The following WWOX variants were observed in gnomAD, a reference collection of about 807,000 sequenced individuals.
The protein encoded by WWOX is WW domain-containing oxidoreductase.
WWOX carries 69 observed loss-of-function variants against 46.2 expected under a neutral mutation model. The observed-to-expected ratio is 1.49, with a 90% CI of 1.23 to 1.82. The LOEUF (loss-of-function observed/expected upper bound fraction) is 1.82. Among genes scored for constraint, WWOX ranks in the 40% most tolerant of loss-of-function variants. The pLI is 0.00. For missense variants in WWOX, 919 were observed against 542.6 expected (o/e 1.69, Z -6.89); for synonymous variants, 359 against 202.6 (o/e 1.77, Z -6.56).
intron 8 of WWOX, among the ~76,000 whole-genome samples, chr16:78,607,832 G>C (rs1013038357): frequency 2.0e-5 from 3 of 151,976 alleles, no homozygotes; most frequent in African/African-American, 2.4e-5. Context: ...AAAAGGGCTG[G>C]ATTTTCTATC....
At chr16:78,725,386 T>C (rs1331070200) in intron 8 of WWOX, among the ~76,000 whole-genome samples, 1 of 145,830 alleles carries the variant, frequency 6.9e-6, no homozygotes, top group Non-Finnish European at 1.5e-5. Flanking sequence ...TCACTCTTGT[T>C]GCCTAGGCTG....
At chr16:79,169,365 C>T (rs1017041541) in intron 8 of WWOX, among the ~76,000 whole-genome samples, 6 of 152,182 alleles carry the variant, frequency 3.9e-5, no homozygotes, top group East Asian at 1.9e-4. Flanking sequence ...ACAACAACTG[C>T]GTGGCTGCCT....
At chr16:79,009,123 G>T (rs560010699) in intron 8 of WWOX, among the ~76,000 whole-genome samples, 4 of 152,242 alleles carry the variant, frequency 2.6e-5, no homozygotes, top group Non-Finnish European at 4.4e-5. Flanking sequence ...TGCCCTTCCA[G>T]GCTTAATGGA....
intron 8 of WWOX, among the ~76,000 whole-genome samples, chr16:78,444,632 G>A (rs1390323551): frequency 1.3e-5 from 2 of 151,220 alleles, no homozygotes; most frequent in African/African-American, 2.4e-5. Flanking sequence ...CCGGGTTCAA[G>A]CAATTCTCCT....
chr16:78,951,947 T>C lies in WWOX; in HGVS notation c.1057-259661T>C, dbSNP rs11646251. On this transcript the variant is annotated intron_variant, in intron 8 of 8. Coordinates refer to ENST00000566780, the MANE Select transcript of WWOX (RefSeq NM_016373.4). ...TTCCTTCCATAATATTTTTAAACTG[T>C]AGCAAAGTGATCTTTTTGAGACCCA... Among the ~76,000 whole-genome samples, 248 of 152,312 alleles carry C rather than the reference T, an allele frequency of 1.6e-3. 1 individual carries two copies. Among genetic ancestry groups the C allele is most frequent in the Middle Eastern group, 6.8e-3 (2 of 294 alleles).
chr16:78,815,255 A>G (rs1391754002), intron 8 of WWOX, among the ~76,000 whole-genome samples: 2 of 151,474 alleles, frequency 1.3e-5, no homozygotes, highest in African/African-American at 2.4e-5. Context: ...AGCCTCGGAG[A>G]TGGAGGTTGC....
chr16:78,351,087 G>A (rs2081174676), intron 5 of WWOX, among the ~76,000 whole-genome samples: 1 of 152,192 alleles, frequency 6.6e-6, no homozygotes, highest in African/African-American at 2.4e-5. Context: ...TTGGATGGAT[G>A]ATTTTTTTCA....
chr16:78,634,069 C>G (rs1216591797), intron 8 of WWOX, among the ~76,000 whole-genome samples: 1 of 152,148 alleles, frequency 6.6e-6, no homozygotes, highest in Non-Finnish European at 1.5e-5. Context: ...AGTGAGCACT[C>G]TTGAACCCAG....
intron 8 of WWOX, among the ~76,000 whole-genome samples, chr16:78,933,397 C>T (rs1223439938): frequency 1.3e-5 from 2 of 152,334 alleles, no homozygotes; most frequent in African/African-American, 4.8e-5. Flanking sequence ...CAAGATTGTG[C>T]CACTGTACTC....
chr16:78,285,311 C>T (rs1418652425), intron 5 of WWOX, among the ~76,000 whole-genome samples: 1 of 151,992 alleles, frequency 6.6e-6, no homozygotes, highest in Non-Finnish European at 1.5e-5. Context: ...GGGTGGCACC[C>T]ACCTGTAGTC....
At chr16:78,607,224 T>C (rs2045780730) in intron 8 of WWOX, among the ~76,000 whole-genome samples, 1 of 152,130 alleles carries the variant, frequency 6.6e-6, no homozygotes, top group Admixed American at 6.5e-5. Flanking sequence ...CATTAATTAC[T>C]TTAATAAAGC....
intron 8 of WWOX, among the ~76,000 whole-genome samples, chr16:78,643,615 C>A (rs1010030458): frequency 8.5e-5 from 13 of 152,250 alleles, no homozygotes; most frequent in Admixed American, 2.6e-4. Context: ...GCTGAATCTG[C>A]TTATAAGGCT....
chr16:78,744,051 G>A (rs1184190235), intron 8 of WWOX, among the ~76,000 whole-genome samples: 7 of 152,058 alleles, frequency 4.6e-5, no homozygotes, highest in African/African-American at 9.7e-5. Flanking sequence ...GAACCTGGAC[G>A]CCCTCCTCCA....
chr16:78,107,998 G>A (rs1022576750), intron 1 of WWOX, among the ~76,000 whole-genome samples: 3 of 151,612 alleles, frequency 2.0e-5, no homozygotes, highest in Non-Finnish European at 4.4e-5. Context: ...GCGTGATCTC[G>A]GCTCACTGCA....
At chr16:79,204,556 G>T (rs776208975) in intron 8 of WWOX, 1 of 152,074 alleles carries the variant, frequency 6.6e-6, no homozygotes, top group Non-Finnish European at 1.5e-5. Flanking sequence ...TTGGAACATC[G>T]ATGGCAAGAA....
intron 6 of WWOX, among the ~76,000 whole-genome samples, chr16:78,390,014 T>C (rs1485233445): frequency 6.6e-6 from 1 of 152,230 alleles, no homozygotes; most frequent in East Asian, 1.9e-4. Context: ...CCCAAACTGC[T>C]GGAATTACAG....
intron 5 of WWOX, among the ~76,000 whole-genome samples, chr16:78,185,121 A>C (rs1402610948): frequency 6.6e-6 from 1 of 152,178 alleles, no homozygotes; most frequent in Admixed American, 6.5e-5. Context: ...AGCAAGTCTC[A>C]GGGCCAAGGA....
chr16:78,331,899 T>C (rs146016678), intron 5 of WWOX, among the ~76,000 whole-genome samples: 2,681 of 152,246 alleles, frequency 0.018, 45 homozygotes, highest in Non-Finnish European at 0.024. Context: ...AACTAAGATT[T>C]AGAGAGGTTA....
At chr16:78,432,464 C>A (rs2083244536) in intron 7 of WWOX, 24 bp from the exon 8 acceptor site, 1 of 1,611,404 alleles carries the variant, frequency 6.2e-7, no homozygotes, top group South Asian at 1.1e-5. Context: ...TTGGTTGCTT[C>A]ATGTCATATT....
Sources: gnomAD v4.1 joint callset for allele counts (sites outside exome capture counted in the v4.1 genomes callset) on GRCh38, gnomAD v4.1.1 for gene constraint, MANE v1.5 for transcripts, NCBI Gene and HGNC (gene_info 2026-07-23, HGNC 2026-07-21) for gene names.